Variants in ANTXR1 observed in about 807,000 individuals in gnomAD.
The protein encoded by ANTXR1 is ANTXR cell adhesion molecule 1.
A neutral mutation model predicts 78.1 loss-of-function variants in ANTXR1; 19 were observed. The ratio of observed to expected loss-of-function variants is 0.24; its 90% CI spans 0.17 to 0.36. The LOEUF (loss-of-function observed/expected upper bound fraction) is 0.36, where lower values mean the gene tolerates loss of function less well. Ranked by LOEUF, ANTXR1 falls within the 10% of genes least tolerant of loss-of-function variation. The probability of loss-of-function intolerance (pLI) is 1.00; values close to 1 mark genes in which losing one functional copy is unlikely to be tolerated. For synonymous variants in ANTXR1, 273 were observed against 260.5 expected, an observed-to-expected ratio of 1.05 and a Z score of -0.46; for missense variants, 518 against 718.6, an observed-to-expected ratio of 0.72 and a Z score of 3.19.
chr2:69,088,333 C>A (rs1188917975), intron 8 of ANTXR1, among the ~76,000 whole-genome samples: 1 of 152,124 alleles, frequency 6.6e-6, no homozygotes, highest in African/African-American at 2.4e-5. Flanking sequence ...AGTCCAAAAG[C>A]TCTTTTTAAA....
At position 69,145,201 on chromosome 2, in the gene ANTXR1, C is replaced by T. The variant is rs151213282; in HGVS notation, c.952-6968C>T. 2,375 of 926,026 alleles carry T rather than the reference C, an allele frequency of 2.6e-3. 9 individuals are homozygous for T. Among genetic ancestry groups the T allele is most frequent in the Non-Finnish European group, 3.0e-3 (1,799 of 594,292 alleles). 57.4% of individuals were successfully genotyped at this position (926,026 alleles called of 1,614,324 possible). On this transcript the variant is annotated intron_variant, in intron 12 of 17. Coordinates refer to ENST00000303714, the MANE Select transcript of ANTXR1 (RefSeq NM_032208.3). ...AGATGCACAGCCAGAGGCAGAGTTA[C>T]GGGGGGCTGATTCGCTTAAACTTTA...
intron 10 of ANTXR1, among the ~76,000 whole-genome samples, chr2:69,115,939 G>A (rs964142650): frequency 1.5e-4 from 23 of 152,214 alleles, no homozygotes; most frequent in African/African-American, 5.5e-4. Context: ...GGACATTACA[G>A]TGGGTATACT....
At chr2:69,189,521 T>C (rs1335493079) in intron 16 of ANTXR1, among the ~76,000 whole-genome samples, 1 of 152,200 alleles carries the variant, frequency 6.6e-6, no homozygotes, top group Non-Finnish European at 1.5e-5. Context: ...TAAAATTCTT[T>C]ATTAATCAAT....
intron 16 of ANTXR1, among the ~76,000 whole-genome samples, chr2:69,188,384 C>T (rs76098802): frequency 0.012 from 1,793 of 152,292 alleles, 37 homozygotes; most frequent in African/African-American, 0.04. Context: ...CATGTGCCAC[C>T]GTGCCCGGCT....
chr2:69,164,676 G>A (rs1411857289), intron 13 of ANTXR1, among the ~76,000 whole-genome samples: 1 of 152,202 alleles, frequency 6.6e-6, no homozygotes, highest in Non-Finnish European at 1.5e-5. Flanking sequence ...TTCAGGGCTG[G>A]ATCTAGAAAT....
chr2:69,228,928 G>A (rs892946473), intron 17 of ANTXR1, among the ~76,000 whole-genome samples: 1 of 152,192 alleles, frequency 6.6e-6, no homozygotes, highest in African/African-American at 2.4e-5. Context: ...ACTGGAGACT[G>A]GAGGTCTGAG....
chr2:69,146,308 C>G (rs895765221), intron 12 of ANTXR1: 15 of 985,274 alleles, frequency 1.5e-5, no homozygotes, highest in Non-Finnish European at 1.6e-5. Context: ...GAGAACTCCC[C>G]CCACCACTTG....
intron 12 of ANTXR1, among the ~76,000 whole-genome samples, chr2:69,132,840 G>A (rs1672793239): frequency 6.6e-6 from 1 of 152,198 alleles, no homozygotes; most frequent in Admixed American, 6.5e-5. Flanking sequence ...TGGGCAAAGT[G>A]TTAGGGACTC....
At chr2:69,239,169 A>G (rs1573998191) in intron 17 of ANTXR1, among the ~76,000 whole-genome samples, 1 of 152,240 alleles carries the variant, frequency 6.6e-6, no homozygotes, top group East Asian at 1.9e-4. Context: ...AAAAATATGC[A>G]ATACAAAGCA....
intron 12 of ANTXR1, among the ~76,000 whole-genome samples, chr2:69,150,600 T>A (rs1384736567): frequency 1.3e-5 from 2 of 152,204 alleles, no homozygotes; most frequent in South Asian, 2.1e-4. Context: ...ATTTAGTAAA[T>A]ATAAATTTAA....
intron 1 of ANTXR1, 54 bp from the exon 2 acceptor site, chr2:69,039,990 A>C: frequency 7.1e-7 from 1 of 1,413,958 alleles, no homozygotes; most frequent in South Asian, 1.2e-5. Context: ...AAATAATACA[A>C]GGTAAAGACA....
intron 6 of ANTXR1, among the ~76,000 whole-genome samples, chr2:69,074,353 A>T (rs1670663536): frequency 6.6e-6 from 1 of 152,214 alleles, no homozygotes; most frequent in African/African-American, 2.4e-5. Flanking sequence ...CAGTCAAATA[A>T]AGTAAAAACC....
chr2:69,093,095 C>T (rs1185460594), intron 9 of ANTXR1, among the ~76,000 whole-genome samples: 1 of 152,150 alleles, frequency 6.6e-6, no homozygotes, highest in Non-Finnish European at 1.5e-5. Context: ...AATTCCCTTC[C>T]TGTAGGCTCC....
At chr2:69,238,287 T>C (rs1434463703) in intron 17 of ANTXR1, among the ~76,000 whole-genome samples, 1 of 152,196 alleles carries the variant, frequency 6.6e-6, no homozygotes, top group East Asian at 1.9e-4. Flanking sequence ...TGGGGTCCAT[T>C]TAACTACTGT....
intron 17 of ANTXR1, among the ~76,000 whole-genome samples, chr2:69,234,300 G>A (rs1267731743): frequency 6.6e-6 from 1 of 152,188 alleles, no homozygotes; most frequent in Non-Finnish European, 1.5e-5. Context: ...TATAAGGCTG[G>A]CATTAAATTA....
At chr2:69,063,015 G>A (rs1015118055) in intron 3 of ANTXR1, among the ~76,000 whole-genome samples, 4 of 152,280 alleles carry the variant, frequency 2.6e-5, no homozygotes, top group Middle Eastern at 3.4e-3. Flanking sequence ...TTAAAAACAA[G>A]TGAATAGAAA....
At chr2:69,069,008 G>A (rs567354851) in intron 3 of ANTXR1, among the ~76,000 whole-genome samples, 55 of 152,242 alleles carry the variant, frequency 3.6e-4, no homozygotes, top group African/African-American at 1.2e-3. Context: ...TGATACACGG[G>A]TATTGAAAAG....
chr2:69,124,269 A>G (rs1277357455), intron 11 of ANTXR1, among the ~76,000 whole-genome samples: 1 of 152,224 alleles, frequency 6.6e-6, no homozygotes, highest in Non-Finnish European at 1.5e-5. Flanking sequence ...AAATGAAAGT[A>G]AGCTTTGCCC....
chr2:69,141,242 G>A lies in ANTXR1; in HGVS notation c.952-10927G>A, dbSNP rs920042345. Among the ~76,000 whole-genome samples the A allele has an allele frequency of 2.6e-5, 4 of 152,240 alleles. No homozygotes were observed. In the East Asian group the frequency reaches 7.7e-4, roughly 29 times the overall value. ...CTTGGCTTGGACGTAGAAGGAAAGGGAGGATGGAAAGGGAAGTGCCATTTT... is the reference window on the plus strand; with the variant it reads ...CTTGGCTTGGACGTAGAAGGAAAGGAAGGATGGAAAGGGAAGTGCCATTTT... On this transcript the variant is annotated intron_variant, in intron 12 of 17. Coordinates refer to ENST00000303714, the MANE Select transcript of ANTXR1 (RefSeq NM_032208.3).
Sources: allele counts gnomAD v4.1 joint callset (sites outside exome capture counted in the v4.1 genomes callset), GRCh38; gene constraint gnomAD v4.1.1; transcripts MANE v1.5; gene names NCBI Gene and HGNC (gene_info 2026-07-23, HGNC 2026-07-21).